Variants in PCDHGA1 observed in about 807,000 individuals in gnomAD.
The protein encoded by PCDHGA1 is protocadherin gamma-A1.
A neutral mutation model predicts 58.0 loss-of-function variants in PCDHGA1; 32 were observed. The ratio of observed to expected loss-of-function variants is 0.55; its 90% CI spans 0.42 to 0.74. The LOEUF is 0.74. Among genes scored for constraint, PCDHGA1 ranks in the 30% least tolerant of loss-of-function variants. The pLI is 0.00. For missense variants in PCDHGA1, 1,205 were observed against 1,182.3 expected (o/e 1.02, Z -0.28); for synonymous variants, 498 against 501.1 (o/e 0.99, Z 0.08).
chr5:141,378,136 C>T (rs1774655700), intron 1 of PCDHGA1: 1 of 152,158 alleles, frequency 6.6e-6, no homozygotes, highest in Admixed American at 6.5e-5. Context: ...TTGACATCAC[C>T]ATTATTATAA....
At chr5:141,495,153 T>G (rs2154591630) in intron 2 of PCDHGA1, among the ~76,000 whole-genome samples, 1 of 152,290 alleles carries the variant, frequency 6.6e-6, no homozygotes, top group East Asian at 1.9e-4. Flanking sequence ...AGGATGGTCT[T>G]AAGCTGGTCT....
At chr5:141,494,305 C>T (rs544773836) in intron 1 of PCDHGA1, among the ~76,000 whole-genome samples, 1 of 152,346 alleles carries the variant, frequency 6.6e-6, no homozygotes, top group East Asian at 1.9e-4. Context: ...GAATGTGTCA[C>T]TGCACAACCT....
At chr5:141,464,327 C>G (rs893319708) in intron 1 of PCDHGA1, among the ~76,000 whole-genome samples, 15 of 150,890 alleles carry the variant, frequency 9.9e-5, no homozygotes, top group African/African-American at 3.7e-4. Flanking sequence ...TCTGTTCAAC[C>G]CATCTATGAC....
At chr5:141,362,351 T>G (rs750661009) in intron 1 of PCDHGA1, 1 of 1,613,920 alleles carries the variant, frequency 6.2e-7, no homozygotes, top group East Asian at 2.2e-5. Context: ...GGACCTGGGG[T>G]TCTCCCCAAT....
intron 1 of PCDHGA1, among the ~76,000 whole-genome samples, chr5:141,482,412 T>C (rs2099559037): frequency 6.6e-6 from 1 of 151,636 alleles, no homozygotes; most frequent in Non-Finnish European, 1.5e-5. Context: ...TAACTATTTG[T>C]TGAACTAAAA....
At chr5:141,351,464 A>G (rs906251737) in intron 1 of PCDHGA1, 5 of 1,613,600 alleles carry the variant, frequency 3.1e-6, no homozygotes, top group Non-Finnish European at 4.2e-6. Context: ...CAAGCTGGTG[A>G]TTGCTGGAGC....
chr5:141,394,625 G>A, intron 1 of PCDHGA1: 1 of 1,613,496 alleles, frequency 6.2e-7, no homozygotes, highest in African/African-American at 1.3e-5. Flanking sequence ...ACGCCTGGCT[G>A]TCCTACCGCC....
Position 141,489,434 on chromosome 5 carries a change from A to G in PCDHGA1, c.2422-5373A>G. On this transcript the variant is annotated intron_variant, in intron 1 of 3. Transcript: ENST00000517417. This position sits in a 1 kb window ranked among gnomAD's most constrained non-coding sequence, Gnocchi z 4.5. ...ACAGATCTGTTGAGCCGGCGGCTGC[A>G]ATTGGGCTCTGAGGAGAATGGGCGC... 6.2e-7 allele frequency: 1 copy of G among 1,614,138 alleles called. No individual in the cohort carries two copies. The highest frequency in any genetic ancestry group is 8.5e-7 in the Non-Finnish European group (1 of 1,180,044).
At position 141,404,170 on chromosome 5, in the gene PCDHGA1, G is replaced by C. The variant is rs73279089; in HGVS notation, c.2421+71065G>C. Reference sequence around the variant, plus strand: ...AAGAAGATTATTACAGATTGTTGACGGCCCAAATTCTTGACCGAGAAAAAG... The same window carrying C: ...AAGAAGATTATTACAGATTGTTGACCGCCCAAATTCTTGACCGAGAAAAAG... On this transcript the variant is annotated intron_variant, in intron 1 of 3. Coordinates refer to ENST00000517417, the MANE Select transcript of PCDHGA1 (RefSeq NM_018912.3). The C allele has an allele frequency of 1.5e-3, 2,365 of 1,612,738 alleles. 32 individuals are homozygous for C. In the African/African-American group the frequency reaches 0.028, roughly 19 times the overall value.
chr5:141,398,336 C>T lies in PCDHGA1; in HGVS notation c.2421+65231C>T, dbSNP rs2093641789. The T allele has an allele frequency of 7.3e-6, 10 of 1,363,224 alleles. No individual in the cohort carries two copies. In the East Asian group the frequency reaches 1.7e-4, roughly 24 times the overall value. 84.4% of individuals were successfully genotyped at this position (1,363,224 alleles called of 1,614,324 possible). On this transcript the variant is annotated intron_variant, in intron 1 of 3. Coordinates refer to ENST00000517417, the MANE Select transcript of PCDHGA1 (RefSeq NM_018912.3). ...CCGACTCGAAAACTGCGCGTCAGTT[C>T]GGAGAAGCCTTACTTCACCGTGAGC...
rs1299607088 is a variant in PCDHGA1 at position 141,472,933 on chromosome 5, C to T, written c.2422-21874C>T. ...CCCAAGAGGAGGAGGTTGTGGTGAG[C>T]CAAGATTATGCCATTGCACTCCAGC... On this transcript the variant is annotated intron_variant, in intron 1 of 3. Coordinates refer to ENST00000517417, the MANE Select transcript of PCDHGA1 (RefSeq NM_018912.3). Among the ~76,000 whole-genome samples, 4 of 143,758 alleles carry T rather than the reference C, an allele frequency of 2.8e-5. No individual in the cohort carries two copies. In the Admixed American group the frequency reaches 2.9e-4, roughly 10 times the overall value. 94.3% of individuals were successfully genotyped at this position (143,758 alleles called of 152,430 possible). A position where few individuals can be genotyped will look rare whatever the true frequency, so the allele number is the denominator to read the frequency against.
chr5:141,454,990 T>C (rs548911982), intron 1 of PCDHGA1, among the ~76,000 whole-genome samples: 1 of 151,490 alleles, frequency 6.6e-6, no homozygotes, highest in African/African-American at 2.4e-5. Context: ...TAAAAAATAT[T>C]TTTAGTAGAG....
In PCDHGA1 at chr5:141,365,440, C is replaced by A. The variant is rs1454096579; in HGVS notation, c.2421+32335C>A. On this transcript the variant is annotated intron_variant, in intron 1 of 3. Transcript: ENST00000517417. Reference sequence around the variant, plus strand: ...CCGGAACTGTAATCGCGCTGTTTAGCGTACATGATGGTGATTCTGGAGAAA... The same window carrying A: ...CCGGAACTGTAATCGCGCTGTTTAGAGTACATGATGGTGATTCTGGAGAAA... 5.0e-6 allele frequency: 8 copies of A among 1,613,836 alleles called. No homozygotes were observed. The Admixed American group carries it at 6.7e-5, about 13-fold the overall frequency.
At chr5:141,492,993 G>A (rs952802686) in intron 1 of PCDHGA1, among the ~76,000 whole-genome samples, 5 of 152,216 alleles carry the variant, frequency 3.3e-5, no homozygotes, top group African/African-American at 1.2e-4. Flanking sequence ...CTGGCAGATG[G>A]AAAGCTATAG....
intron 1 of PCDHGA1, chr5:141,385,892 G>A (rs544548013): frequency 1.3e-5 from 2 of 152,934 alleles, no homozygotes; most frequent in South Asian, 2.1e-4. Context: ...AGAATGAAAT[G>A]TGTGTGTATC....
At chr5:141,383,946 G>A (rs1023403145) in intron 1 of PCDHGA1, 3 of 1,613,696 alleles carry the variant, frequency 1.9e-6, no homozygotes, top group Non-Finnish European at 2.5e-6. Flanking sequence ...AAGTGACTAT[G>A]ACGTCTTTAA....
chr5:141,408,851 G>T, intron 1 of PCDHGA1: 4 of 1,613,574 alleles, frequency 2.5e-6, no homozygotes, highest in African/African-American at 1.3e-5. Context: ...TGCCTTGGAC[G>T]GAGGGGACCC....
intron 1 of PCDHGA1, among the ~76,000 whole-genome samples, chr5:141,456,135 G>A (rs1422353665): frequency 6.6e-6 from 1 of 152,052 alleles, no homozygotes; most frequent in Non-Finnish European, 1.5e-5. Context: ...CTGACCTCCT[G>A]ATCCGCCCGC....
chr5:141,423,447 T>C (rs1347619382), intron 1 of PCDHGA1: 1 of 1,613,880 alleles, frequency 6.2e-7, no homozygotes, highest in Admixed American at 1.7e-5. Context: ...CCACGTCACA[T>C]TTTGTAGGCG....
Sources: gnomAD v4.1 joint callset for allele counts (sites outside exome capture counted in the v4.1 genomes callset) on GRCh38, gnomAD v4.1.1 for gene constraint, Gnocchi (gnomAD v3.1) non-coding constraint, MANE v1.5 for transcripts, NCBI Gene and HGNC (gene_info 2026-07-23, HGNC 2026-07-21) for gene names.